The following NKTR variants were observed in gnomAD, a reference collection of about 807,000 sequenced individuals.
NKTR encodes the protein NK-tumor recognition protein.
A neutral mutation model predicts 156.3 loss-of-function variants in NKTR; 67 were observed. That is an observed-to-expected ratio of 0.43 (90% CI 0.35 to 0.53). NKTR has a LOEUF of 0.53. Ranked by LOEUF, NKTR falls within the 20% of genes least tolerant of loss-of-function variation. The pLI is 0.01. For synonymous variants in NKTR, 640 were observed against 596.6 expected, an observed-to-expected ratio of 1.07 and a Z score of -1.06; for missense variants, 1,604 against 1,730.9, an observed-to-expected ratio of 0.93 and a Z score of 1.30.
At chr3:42,620,447 G>A (rs1051609956) in intron 5 of NKTR, 9 of 993,882 alleles carry the variant, frequency 9.1e-6, no homozygotes, top group Admixed American at 6.0e-5. Flanking sequence ...GCAGAGATTT[G>A]TAATGAAATC....
At chr3:42,618,232 TC>T (rs1342113373) in intron 3 of NKTR, among the ~76,000 whole-genome samples, 157 of 150,706 alleles carry the variant, frequency 1.0e-3, no homozygotes, top group African/African-American at 3.8e-3. Context: ...GCGCCTGTAA[TC>T]CCAGCTACTC....
chr3:42,601,463 A>G, intron 2 of NKTR: 1 of 156,974 alleles, frequency 6.4e-6, no homozygotes, highest in Non-Finnish European at 1.4e-5. Context: ...GTGTTTCCTA[A>G]TCACGATATA....
intron 13 of NKTR, among the ~76,000 whole-genome samples, chr3:42,641,169 C>T (rs190585676): frequency 6.6e-6 from 1 of 152,278 alleles, no homozygotes; most frequent in East Asian, 1.9e-4. Context: ...GCCTGACACC[C>T]CCATTAGGCT....
At chr3:42,611,315 C>T (rs540774011) in intron 2 of NKTR, 13 of 152,094 alleles carry the variant, frequency 8.5e-5, no homozygotes, top group South Asian at 2.1e-4. Flanking sequence ...GTTGTTTCGG[C>T]CTTATATTTT....
chr3:42,619,916 T>G (rs949436968), intron 5 of NKTR: 2 of 1,451,254 alleles, frequency 1.4e-6, no homozygotes, highest in Admixed American at 5.5e-5. Flanking sequence ...AGGCTAACTT[T>G]ATGGTTAAAC....
At chr3:42,613,648 A>G (rs1450115993) in intron 2 of NKTR, among the ~76,000 whole-genome samples, 2 of 152,188 alleles carry the variant, frequency 1.3e-5, no homozygotes, top group Non-Finnish European at 2.9e-5. Flanking sequence ...TTGAAAGATG[A>G]TGTTTGATTT....
intron 6 of NKTR, 24 bp downstream of exon 6, chr3:42,621,540 G>T: frequency 6.2e-7 from 1 of 1,600,686 alleles, no homozygotes; most frequent in Non-Finnish European, 8.5e-7. Flanking sequence ...ATTCAGAGAT[G>T]AGCTTTTCTT....
intron 10 of NKTR, among the ~76,000 whole-genome samples, chr3:42,634,018 C>T (rs2125811002): frequency 6.6e-6 from 1 of 152,248 alleles, no homozygotes; most frequent in Admixed American, 6.5e-5. Flanking sequence ...GATTTTATTC[C>T]TGATCTTCTT....
At chr3:42,645,618 A>C (rs1710293824) in intron 16 of NKTR, among the ~76,000 whole-genome samples, 1 of 152,124 alleles carries the variant, frequency 6.6e-6, no homozygotes, top group Non-Finnish European at 1.5e-5. Flanking sequence ...CGGGAGGTGG[A>C]GGTTGCAGTG....
intron 6 of NKTR, chr3:42,627,338 G>GT: frequency 1.0e-6 from 1 of 983,992 alleles, no homozygotes. Context: ...TGCTTTATCT[G>GT]TATAGCAGCA....
Position 42,634,604 on chromosome 3 carries a change from T to C in NKTR, c.930-9T>C. The C allele has an allele frequency of 6.7e-7, 1 of 1,487,542 alleles. No homozygotes were observed. Among genetic ancestry groups the C allele is most frequent in the East Asian group, 2.3e-5 (1 of 43,670 alleles). 92.1% of individuals were successfully genotyped at this position (1,487,542 alleles called of 1,614,324 possible). ...ATTTTTAATTTTCATCACAATCTTC[T>C]TTTCCTAGGAAGATTCCTGATGTTG... On this transcript the variant is annotated splice_polypyrimidine_tract_variant and intron_variant, in intron 10 of 16. Coordinates refer to ENST00000232978, the MANE Select transcript of NKTR (RefSeq NM_005385.4).
At chr3:42,612,042 A>G (rs1172406435) in intron 2 of NKTR, among the ~76,000 whole-genome samples, 2 of 152,222 alleles carry the variant, frequency 1.3e-5, no homozygotes, top group Non-Finnish European at 2.9e-5. Context: ...TTGAGGATGC[A>G]GTGAGCAGAG....
chr3:42,629,885 T>C (rs1708735313), intron 6 of NKTR: 21 of 985,452 alleles, frequency 2.1e-5, no homozygotes, highest in Non-Finnish European at 2.5e-5. Flanking sequence ...AAATTTAAAA[T>C]GTCTGCAATG....
chr3:42,604,238 C>T (rs1333161791), intron 2 of NKTR, among the ~76,000 whole-genome samples: 1 of 152,128 alleles, frequency 6.6e-6, no homozygotes, highest in Non-Finnish European at 1.5e-5. Context: ...TTTCAGAGAA[C>T]CAGATTTTGA....
At chr3:42,620,877 TTAGA>T (rs374922081) in intron 5 of NKTR, 187 of 957,126 alleles carry the variant, frequency 2.0e-4, no homozygotes, top group African/African-American at 1.4e-3. Flanking sequence ...GCTTTCTTCC[TTAGA>T]TAATTTTGTG....
rs1709554719 is a variant in NKTR at position 42,637,801 on chromosome 3, T to C, written c.2097T>C (p.Ser699=). 6.2e-7 allele frequency: 1 copy of C among 1,613,280 alleles called. No homozygotes were observed. Among genetic ancestry groups the C allele is most frequent in the South Asian group, 1.1e-5 (1 of 91,044 alleles). The change falls in exon 13 of 17, where the codon AGT becomes AGC. Residue 699 remains serine, a synonymous_variant. Transcript: ENST00000232978. Reference sequence around the variant, plus strand: ...GGTCAAGGAGCAGATCTTCTAGGAGTAGATCTTATTCCAGATCATATACAA... The same window carrying C: ...GGTCAAGGAGCAGATCTTCTAGGAGCAGATCTTATTCCAGATCATATACAA... ...SPRSRSRSSR[S]RSYSRSYTRS... is the part of the protein sequence containing the mutation.
Position 42,633,476 on chromosome 3 carries a change from A to G in NKTR, c.774-104A>G, listed in dbSNP as rs1224698148. 2.0e-6 allele frequency: 3 copies of G among 1,478,916 alleles called. No homozygotes were observed. In the African/African-American group the frequency reaches 4.2e-5, roughly 21 times the overall value. 91.6% of individuals were successfully genotyped at this position (1,478,916 alleles called of 1,614,324 possible). On this transcript the variant is annotated intron_variant, in intron 9 of 16. Transcript: ENST00000232978. ...TATAACTCTTTTGAGTGAGACTTGT[A>G]AGCTATCGTTAATTATGCTGTTGTT...
chr3:42,643,369 C>G lies in NKTR; in HGVS notation c.4173C>G (p.Ser1391Arg). Residue 1391 changes from serine to arginine, a missense_variant, in exon 15 of 17, where the codon AGC becomes AGG. Coordinates refer to ENST00000232978, the MANE Select transcript of NKTR (RefSeq NM_005385.4). ...RTSSRSRSRSSSYDPHSRSRS... is the reference protein window; with the variant it reads ...RTSSRSRSRSRSYDPHSRSRS... ...CCAGCAGGAGCAGATCCAGGAGCAG[C>G]TCATATGATCCCCACAGTCGATCCA... is the stretch of plus-strand genomic sequence containing the variant. 1 of 1,614,072 alleles carries G rather than the reference C, an allele frequency of 6.2e-7. No homozygotes were observed.
At chr3:42,603,449 C>T (rs575072348) in intron 2 of NKTR, among the ~76,000 whole-genome samples, 2 of 150,284 alleles carry the variant, frequency 1.3e-5, no homozygotes, top group African/African-American at 4.9e-5. Flanking sequence ...AGTAAATGTT[C>T]AGATCCTAGA....
Sources: gnomAD v4.1 joint callset for allele counts (sites outside exome capture counted in the v4.1 genomes callset) on GRCh38, gnomAD v4.1.1 for gene constraint, MANE v1.5 for transcripts, NCBI Gene and HGNC (gene_info 2026-07-23, HGNC 2026-07-21) for gene names.